SLC16A10: variants seen among roughly 807,000 people sequenced by gnomAD.
SLC16A10 encodes the protein monocarboxylate transporter 10.
SLC16A10 carries 27 observed loss-of-function variants against 40.0 expected under a neutral mutation model. The observed-to-expected ratio is 0.67, with a 90% CI of 0.50 to 0.93. The LOEUF is 0.93. SLC16A10 is among the 40% of genes least tolerant of loss of function. The pLI, the probability that SLC16A10 is intolerant of heterozygous loss-of-function variation, is 0.00. For synonymous variants in SLC16A10, 213 were observed against 249.8 expected, an observed-to-expected ratio of 0.85 and a Z score of 1.39; for missense variants, 529 against 658.2, an observed-to-expected ratio of 0.80 and a Z score of 2.15.
chr6:111,217,319 A>G (rs1024749442), intron 4 of SLC16A10, among the ~76,000 whole-genome samples: 9 of 152,260 alleles, frequency 5.9e-5, no homozygotes, highest in Non-Finnish European at 1.3e-4. Flanking sequence ...TAAAGTGCTT[A>G]CAACAATGCT....
At position 111,147,235 on chromosome 6, in the gene SLC16A10, GA is replaced by G. The variant is rs571863373; in HGVS notation, c.344-25453del. 1.6e-4 allele frequency among the ~76,000 whole-genome samples: 24 copies of G among 152,052 alleles called. No individual in the cohort carries two copies. The South Asian group carries it at 4.8e-3, about 30-fold the overall frequency. ...ATACCTCATTAAAATAGTTACATGAGAAAAAAATCAAAGGCAAAATACAGAG... is the reference window on the plus strand; with the variant it reads ...ATACCTCATTAAAATAGTTACATGAGAAAAAATCAAAGGCAAAATACAGAG... On this transcript the variant is annotated intron_variant, in intron 1 of 5. Coordinates refer to ENST00000368851, the MANE Select transcript of SLC16A10 (RefSeq NM_018593.5).
In SLC16A10 at chr6:111,218,903, G is replaced by A; in HGVS notation, c.1176G>A (p.Met392Ile). 1 of 1,614,050 alleles carries A rather than the reference G, an allele frequency of 6.2e-7. No homozygotes were observed. The highest frequency in any genetic ancestry group is 8.5e-7 in the Non-Finnish European group (1 of 1,180,016). ...CCCTCATTGCTGTGTGCCTCATCAT[G>A]GGTCTCTTCGATGGATGCTTCATTT... ...FGALIAVCLI[M>I]GLFDGCFISI... Residue 392 changes from methionine (M) to isoleucine (I), a missense_variant, in exon 5 of 6, where the codon ATG (methionine) becomes ATA (isoleucine). Transcript: ENST00000368851.
At chr6:111,128,586 A>G (rs1265485301) in intron 1 of SLC16A10, among the ~76,000 whole-genome samples, 1 of 152,190 alleles carries the variant, frequency 6.6e-6, no homozygotes, top group Non-Finnish European at 1.5e-5. Flanking sequence ...AAACATTTCT[A>G]CTGGACGAGT....
chr6:111,171,957 A>T (rs1772594199), intron 1 of SLC16A10, among the ~76,000 whole-genome samples: 1 of 152,302 alleles, frequency 6.6e-6, no homozygotes, highest in East Asian at 1.9e-4. Context: ...AGAGTAGTAT[A>T]CTAGGAGACT....
chr6:111,217,061 G>T (rs1773437646), intron 4 of SLC16A10, among the ~76,000 whole-genome samples: 1 of 152,212 alleles, frequency 6.6e-6, no homozygotes, highest in African/African-American at 2.4e-5. Context: ...GGACAGTGAT[G>T]CATACAGCTG....
chr6:111,115,249 C>T (rs6938986), intron 1 of SLC16A10, among the ~76,000 whole-genome samples: 104,544 of 151,992 alleles, frequency 0.69, 35,991 homozygotes, highest in East Asian at 0.73. Flanking sequence ...ATGAAGTCTC[C>T]GCCCAGGCTG....
At chr6:111,177,706 A>T (rs773901252) in intron 3 of SLC16A10, 41 bp downstream of exon 3, 1 of 1,449,354 alleles carries the variant, frequency 6.9e-7, no homozygotes, top group Non-Finnish European at 9.1e-7. Flanking sequence ...TTACTATTTA[A>T]TAAAGAAAAA....
chr6:111,126,236 G>GC (rs1554256964), intron 1 of SLC16A10, among the ~76,000 whole-genome samples: 1 of 151,074 alleles, frequency 6.6e-6, no homozygotes, highest in Non-Finnish European at 1.5e-5. Flanking sequence ...TTTTTCCTTA[G>GC]TTTTTTTTTC....
rs1771078686 is a variant in SLC16A10, at chr6:111,229,990, C to CTTTTCTTT, written c.*7759_*7760insCTTTTTTT. ...CAGGTTTCTTTTTCTTTCTTTGTTTCTTTTTTTTTTTTTTTTTTGAGATGG... is the reference window on the plus strand; with the variant it reads ...CAGGTTTCTTTTTCTTTCTTTGTTTCTTTTCTTTTTTTTTTTTTTTTTTTTTGAGATGG... On this transcript the variant is annotated 3_prime_UTR_variant, in exon 6 of 6. Transcript: ENST00000368851. The CTTTTCTTT allele has an allele frequency of 1.2e-5, 1 of 85,382 alleles. No homozygotes were observed. Among genetic ancestry groups the CTTTTCTTT allele is most frequent in the African/African-American group, 5.0e-5 (1 of 19,980 alleles). 5.3% of individuals were successfully genotyped at this position (85,382 alleles called of 1,614,324 possible).
chr6:111,206,676 C>T lies in SLC16A10; in HGVS notation c.1027C>T (p.Arg343Ter), dbSNP rs202085593. ...CATTGGCGTCACTTCAGGAGTTGGACGACTGCTCTTTGGCCGGATTGCAGA... is the reference window on the plus strand; with the variant it reads ...CATTGGCGTCACTTCAGGAGTTGGATGACTGCTCTTTGGCCGGATTGCAGA... Reference protein sequence around the residue: ...MCIGVTSGVGRLLFGRIADYV... With the variant: ...MCIGVTSGVG The change falls in exon 4 of 6, where the codon CGA (arginine) becomes TGA (stop). Residue 343 changes from arginine (R) to a stop codon, truncating the protein, a stop_gained. Coordinates refer to ENST00000368851, the MANE Select transcript of SLC16A10 (RefSeq NM_018593.5). LOFTEE classifies it high-confidence loss of function. 5.0e-6 allele frequency: 8 copies of T among 1,614,132 alleles called. No individual in the cohort carries two copies. Among genetic ancestry groups the T allele is most frequent in the South Asian group, 2.2e-5 (2 of 91,080 alleles).
At chr6:111,174,552 A>G (rs1012408466) in intron 2 of SLC16A10, among the ~76,000 whole-genome samples, 13 of 152,174 alleles carry the variant, frequency 8.5e-5, no homozygotes, top group African/African-American at 3.1e-4. Context: ...TTTTTTAAAG[A>G]AAAAAGTTTT....
chr6:111,139,327 G>C (rs112287488), intron 1 of SLC16A10, among the ~76,000 whole-genome samples: 6 of 151,678 alleles, frequency 4.0e-5, no homozygotes, highest in African/African-American at 1.5e-4. Flanking sequence ...TTTTGAGACA[G>C]CATCTCGCTC....
At chr6:111,161,301 C>T (rs986906545) in intron 1 of SLC16A10, among the ~76,000 whole-genome samples, 28 of 146,368 alleles carry the variant, frequency 1.9e-4, no homozygotes, top group African/African-American at 7.1e-4. Flanking sequence ...CAGAGGAAAG[C>T]ATGCCAAATG....
rs551157436 is a variant in SLC16A10 at position 111,108,207 on chromosome 6, A to G, written c.343+20112A>G. On this transcript the variant is annotated intron_variant, in intron 1 of 5. Coordinates refer to ENST00000368851, the MANE Select transcript of SLC16A10 (RefSeq NM_018593.5). ...GCTATTTTTTGTATTTTTAGTAGAG[A>G]TGGGGTTTCACCATGTTGACCAGGC... Among the ~76,000 whole-genome samples, 15 of 152,088 alleles carry G rather than the reference A, an allele frequency of 9.9e-5. 1 individual carries two copies. In the South Asian group the frequency reaches 2.5e-3, roughly 25 times the overall value.
chr6:111,218,000 C>T (rs1313746662), intron 4 of SLC16A10, among the ~76,000 whole-genome samples: 1 of 152,138 alleles, frequency 6.6e-6, no homozygotes, highest in African/African-American at 2.4e-5. Flanking sequence ...GTGTTCAATT[C>T]TATTAACTAC....
chr6:111,107,436 A>G (rs955588129), intron 1 of SLC16A10, among the ~76,000 whole-genome samples: 6 of 152,228 alleles, frequency 3.9e-5, no homozygotes, highest in African/African-American at 1.2e-4. Context: ...TATGGGGACA[A>G]TACTCTAAAG....
intron 1 of SLC16A10, among the ~76,000 whole-genome samples, chr6:111,136,286 C>T (rs1447562690): frequency 6.6e-6 from 1 of 152,228 alleles, no homozygotes; most frequent in East Asian, 1.9e-4. Context: ...AGTCCTTACA[C>T]AGGTCCGAGG....
At chr6:111,119,068 C>T (rs191042652) in intron 1 of SLC16A10, among the ~76,000 whole-genome samples, 9 of 152,270 alleles carry the variant, frequency 5.9e-5, no homozygotes, top group African/African-American at 2.2e-4. Context: ...TGTGCCATAC[C>T]TTTGAAGGGC....
intron 1 of SLC16A10, among the ~76,000 whole-genome samples, chr6:111,130,164 A>G (rs767375039): frequency 8.5e-5 from 13 of 152,186 alleles, no homozygotes; most frequent in Non-Finnish European, 1.6e-4. Flanking sequence ...TCCCTGCCAC[A>G]CTTTATCATA....
Sources: gnomAD v4.1 joint callset for allele counts (sites outside exome capture counted in the v4.1 genomes callset) on GRCh38, gnomAD v4.1.1 for gene constraint, MANE v1.5 for transcripts, NCBI Gene and HGNC (gene_info 2026-07-23, HGNC 2026-07-21) for gene names.